Variants in AKAP13 observed in about 807,000 individuals in gnomAD.
The protein encoded by AKAP13 is A-kinase anchor protein 13.
In AKAP13, 80 loss-of-function variants were observed where a neutral mutation model predicts 264.5. That is an observed-to-expected ratio of 0.30 (90% CI 0.25 to 0.36). AKAP13 has a LOEUF of 0.36. Ranked by LOEUF, AKAP13 falls within the 10% of genes least tolerant of loss-of-function variation. AKAP13 has a pLI of 1.00. For missense variants in AKAP13, 3,712 were observed against 3,435.2 expected (o/e 1.08, Z -2.01); for synonymous variants, 1,380 against 1,250.2 (o/e 1.10, Z -2.19).
At chr15:85,549,985 CG>C (rs1382184701) in intron 5 of AKAP13, among the ~76,000 whole-genome samples, 1 of 152,112 alleles carries the variant, frequency 6.6e-6, no homozygotes, top group African/African-American at 2.4e-5. Flanking sequence ...GGCATGATTC[CG>C]GCTCACTGCA....
chr15:85,463,427 A>G (rs1198736564), intron 1 of AKAP13, among the ~76,000 whole-genome samples: 1 of 152,220 alleles, frequency 6.6e-6, no homozygotes. Flanking sequence ...ATCAAGCCTG[A>G]CTGATTTCAG....
intron 4 of AKAP13, among the ~76,000 whole-genome samples, chr15:85,537,170 A>G (rs1362428160): frequency 1.2e-4 from 4 of 32,958 alleles, no homozygotes; most frequent in African/African-American, 1.1e-3. Context: ...CACTGGGTAC[A>G]GTAAGGGAGA....
At chr15:85,544,270 C>G in intron 5 of AKAP13, 1 of 442,224 alleles carries the variant, frequency 2.3e-6, no homozygotes, top group South Asian at 1.8e-5. Context: ...ATAACATTAC[C>G]AATGTATACA....
intron 1 of AKAP13, among the ~76,000 whole-genome samples, chr15:85,389,127 C>T (rs201268157): frequency 1.3e-5 from 2 of 152,008 alleles, no homozygotes; most frequent in East Asian, 3.9e-4. Context: ...CTTTGCGTGC[C>T]CTCATGTATT....
chr15:85,631,446 A>G (rs1344771433), intron 8 of AKAP13, among the ~76,000 whole-genome samples: 5 of 151,978 alleles, frequency 3.3e-5, no homozygotes, highest in Admixed American at 1.3e-4. Context: ...TTACATCTCA[A>G]TAAGGATGTT....
rs978477805 is a variant in AKAP13, at chr15:85,745,376, A to T, written c.*699A>T. On this transcript the variant is annotated 3_prime_UTR_variant, in exon 37 of 37. Transcript: ENST00000394518. ...AGGCTTGATGTGTATAAAAGACGTGATGTGCACCACCTCGATCTCGGTGTT... is the reference window on the plus strand; with the variant it reads ...AGGCTTGATGTGTATAAAAGACGTGTTGTGCACCACCTCGATCTCGGTGTT... The T allele has an allele frequency of 2.6e-5, 4 of 152,128 alleles. No individual in the cohort carries two copies. Among genetic ancestry groups the T allele is most frequent in the Non-Finnish European group, 5.9e-5 (4 of 68,012 alleles). The allele number at this position is 152,128 out of a possible 1,614,324, so 9.4% of individuals were successfully genotyped here.
chr15:85,644,798 G>A (rs914545722), intron 9 of AKAP13, among the ~76,000 whole-genome samples: 1 of 152,052 alleles, frequency 6.6e-6, no homozygotes, highest in African/African-American at 2.4e-5. Context: ...CCCAGGAGGC[G>A]GAAGTTGCAA....
At chr15:85,385,102 A>C (rs1017863694) in intron 1 of AKAP13, among the ~76,000 whole-genome samples, 1 of 152,230 alleles carries the variant, frequency 6.6e-6, no homozygotes, top group Admixed American at 6.5e-5. Context: ...AGAGTTGAGT[A>C]GTTACAACAG....
chr15:85,526,713 G>A (rs573406935), intron 3 of AKAP13, among the ~76,000 whole-genome samples: 3 of 152,206 alleles, frequency 2.0e-5, no homozygotes, highest in African/African-American at 7.2e-5. Flanking sequence ...CCATCCCCCA[G>A]CCTGGCCCTG....
chr15:85,459,134 A>T (rs2074404968), intron 1 of AKAP13, among the ~76,000 whole-genome samples: 1 of 152,212 alleles, frequency 6.6e-6, no homozygotes, highest in African/African-American at 2.4e-5. Context: ...TGTATCAAAG[A>T]CACCTCAAAA....
intron 8 of AKAP13, 117 bp downstream of exon 8, chr15:85,585,940 C>A: frequency 7.4e-7 from 1 of 1,347,236 alleles, no homozygotes; most frequent in Non-Finnish European, 1.0e-6. Flanking sequence ...TATTTTCCCC[C>A]TTCCCTCTTG....
chr15:85,455,697 ATGCTGAGCTTTTAGATTAT>A (rs1352400349), intron 1 of AKAP13, among the ~76,000 whole-genome samples: 4 of 152,158 alleles, frequency 2.6e-5, no homozygotes, highest in African/African-American at 9.7e-5. Context: ...TTGAAGGTAT[ATGCTGAGCTTTTAGATTAT>A]TGCTTCCCTT....
intron 1 of AKAP13, among the ~76,000 whole-genome samples, chr15:85,410,812 G>A (rs912951877): frequency 2.0e-5 from 3 of 151,616 alleles, no homozygotes; most frequent in Non-Finnish European, 2.9e-5. Context: ...TTCTCAGAAT[G>A]ATTATGGCAT....
chr15:85,460,266 G>C (rs1322777932), intron 1 of AKAP13, among the ~76,000 whole-genome samples: 1 of 152,122 alleles, frequency 6.6e-6, no homozygotes, highest in Non-Finnish European at 1.5e-5. Context: ...GCAGTTTTCT[G>C]ACTATTGTGT....
At chr15:85,431,792 C>T (rs764452049) in intron 1 of AKAP13, among the ~76,000 whole-genome samples, 18 of 152,124 alleles carry the variant, frequency 1.2e-4, no homozygotes, top group Non-Finnish European at 2.5e-4. Context: ...ATATGAAACT[C>T]AATTAGATGG....
chr15:85,741,713 A>AAC (rs1555466284), intron 35 of AKAP13, among the ~76,000 whole-genome samples: 1 of 101,068 alleles, frequency 9.9e-6, no homozygotes, highest in African/African-American at 3.6e-5. Context: ...AAAAAAAAAA[A>AAC]AAACAAACAA....
At chr15:85,495,460 A>G (rs1038232465) in intron 2 of AKAP13, among the ~76,000 whole-genome samples, 2 of 152,160 alleles carry the variant, frequency 1.3e-5, no homozygotes, top group African/African-American at 4.8e-5. Context: ...TGGGGTGCAT[A>G]TCTCAGATTC....
rs1247500554 is a variant in AKAP13, at chr15:85,748,431, G to A, written c.*3754G>A. 6.6e-6 allele frequency: 1 copy of A among 152,248 alleles called. No homozygotes were observed. The allele number at this position is 152,248 out of a possible 1,614,324, so 9.4% of individuals were successfully genotyped here. On this transcript the variant is annotated 3_prime_UTR_variant, in exon 37 of 37. Transcript: ENST00000394518. ...CTGTGTGCCTTGCCTTCCTTCAGCA[G>A]GACCGTCTAGGTGCGCAGCCACCTA...
chr15:85,555,491 T>G, intron 5 of AKAP13: 1 of 1,279,950 alleles, frequency 7.8e-7, no homozygotes, highest in African/African-American at 1.5e-5. Flanking sequence ...GGCAGCCATG[T>G]GTGAGTATCA....
Sources: allele counts gnomAD v4.1 joint callset (sites outside exome capture counted in the v4.1 genomes callset), GRCh38; gene constraint gnomAD v4.1.1; transcripts MANE v1.5; gene names NCBI Gene and HGNC (gene_info 2026-07-23, HGNC 2026-07-21).